Variants in HEATR3 observed in about 807,000 individuals in gnomAD.
HEATR3 encodes HEAT repeat containing 3, also known as HEAT repeat-containing protein 3.
A neutral mutation model predicts 72.8 loss-of-function variants in HEATR3; 56 were observed. The observed-to-expected ratio is 0.77, with a 90% CI of 0.62 to 0.96. The LOEUF is 0.96. Among genes scored for constraint, HEATR3 ranks in the 40% least tolerant of loss-of-function variants. HEATR3 has a pLI of 0.00. For missense variants in HEATR3, 747 were observed against 831.4 expected (o/e 0.90, Z 1.25); for synonymous variants, 331 against 318.1 (o/e 1.04, Z -0.43).
At chr16:50,067,347 C>T (rs1405861916) in intron 2 of HEATR3, among the ~76,000 whole-genome samples, 1 of 149,390 alleles carries the variant, frequency 6.7e-6, no homozygotes, top group African/African-American at 2.5e-5. Context: ...AGAACAAGAC[C>T]CTGTCTCAAA....
rs570121008 is a variant in HEATR3 at position 50,084,012 on chromosome 16, A to G, written c.1117A>G (p.Met373Val). The G allele has an allele frequency of 5.0e-6, 8 of 1,613,662 alleles. No homozygotes were observed. In the African/African-American group the frequency reaches 5.3e-5, roughly 11 times the overall value. Residue 373 changes from methionine (M) to valine (V), a missense_variant, in exon 8 of 15, where the codon ATG (methionine) becomes GTG (valine). Coordinates refer to ENST00000299192, the MANE Select transcript of HEATR3 (RefSeq NM_182922.4). The stretch of plus-strand genomic sequence containing the variant: ...GACTGCTCTGGAAATTATTGTCAAC[A>G]TGTGCTGCAATGAAGGTTTGTTAAC... The part of the protein sequence containing the change: ...QQTALEIIVN[M>V]CCNEDPSDDE...
At chr16:50,093,853 G>A (rs934443138) in intron 11 of HEATR3, among the ~76,000 whole-genome samples, 1 of 152,222 alleles carries the variant, frequency 6.6e-6, no homozygotes, top group Non-Finnish European at 1.5e-5. Flanking sequence ...AGGGCTGGAA[G>A]TCATACTGCC....
At chr16:50,091,934 C>T (rs1028254837) in intron 11 of HEATR3, among the ~76,000 whole-genome samples, 3 of 151,762 alleles carry the variant, frequency 2.0e-5, no homozygotes, top group Non-Finnish European at 4.4e-5. Context: ...TGAATCACCT[C>T]TTTGTGTGCA....
intron 7 of HEATR3, among the ~76,000 whole-genome samples, chr16:50,083,344 T>G (rs2036913253): frequency 6.6e-6 from 1 of 152,152 alleles, no homozygotes; most frequent in Non-Finnish European, 1.5e-5. Flanking sequence ...TGGCGTTATA[T>G]ATTTTCAGAG....
rs1342606496 is a variant in HEATR3 at position 50,068,819 on chromosome 16, C to G, written c.351C>G (p.Asp117Glu). ...GTGGAGGTTTTGAAGTTTGTGATGA[C>G]ATGGTGACTAAGGATATCATGACCC... The part of the protein sequence containing the change: ...SACGGFEVCD[D>E]MVTKDIMTPL... The change falls in exon 3 of 15, where the codon GAC becomes GAG. Residue 117 changes from aspartate (D) to glutamate (E), a missense_variant. Around this residue, in one of 2 missense-constraint regions of HEATR3, gnomAD observed 586 missense variants for 708.8 expected, o/e 0.83. Transcript: ENST00000299192. 1 of 1,613,940 alleles carries G rather than the reference C, an allele frequency of 6.2e-7. No individual in the cohort carries two copies. Among genetic ancestry groups the G allele is most frequent in the Non-Finnish European group, 8.5e-7 (1 of 1,179,952 alleles).
intron 12 of HEATR3, among the ~76,000 whole-genome samples, chr16:50,096,625 C>G (rs899483974): frequency 2.6e-5 from 4 of 151,954 alleles, no homozygotes; most frequent in African/African-American, 9.7e-5. Context: ...GTGGCGAAAC[C>G]CTATCTCTAC....
chr16:50,098,232 G>T (rs2150626007), intron 12 of HEATR3: 1 of 152,166 alleles, frequency 6.6e-6, no homozygotes, highest in South Asian at 2.1e-4. Context: ...TACCCAAAAA[G>T]ATACATTAGT....
At chr16:50,088,941 G>C (rs1204615622) in intron 11 of HEATR3, among the ~76,000 whole-genome samples, 1 of 152,216 alleles carries the variant, frequency 6.6e-6, no homozygotes, top group Admixed American at 6.5e-5. Context: ...AGGTACCCCC[G>C]GTCCCATCCC....
rs1457618799 is a variant in HEATR3 at position 50,086,848 on chromosome 16, G to GA, written c.1510+499dup. 1.1e-4 allele frequency among the ~76,000 whole-genome samples: 16 copies of GA among 152,158 alleles called. No individual in the cohort carries two copies. In the South Asian group the frequency reaches 3.1e-3, roughly 30 times the overall value. On this transcript the variant is annotated intron_variant, in intron 11 of 14. Coordinates refer to ENST00000299192, the MANE Select transcript of HEATR3 (RefSeq NM_182922.4). Reference sequence around the variant, plus strand: ...GGAGGCTGAGGCAGGAGAATCGCTTGAACCCAGGAGGTGGGGATTGCAGTG... The same window carrying GA: ...GGAGGCTGAGGCAGGAGAATCGCTTGAAACCCAGGAGGTGGGGATTGCAGTG...
chr16:50,082,772 AAG>A (rs1491078138), intron 7 of HEATR3, among the ~76,000 whole-genome samples: 1 of 132,136 alleles, frequency 7.6e-6, no homozygotes, highest in African/African-American at 2.6e-5. Context: ...AAAAAAAAAA[AAG>A]CAGGTAAATT....
At chr16:50,103,162 A>G (rs1197221759) in intron 14 of HEATR3, among the ~76,000 whole-genome samples, 1 of 152,206 alleles carries the variant, frequency 6.6e-6, no homozygotes, top group African/African-American at 2.4e-5. Flanking sequence ...CAAGGAAAGC[A>G]GATATATTAA....
chr16:50,083,585 A>C (rs956107296), intron 7 of HEATR3, among the ~76,000 whole-genome samples: 1 of 152,130 alleles, frequency 6.6e-6, no homozygotes. Flanking sequence ...TCTTGTTTAA[A>C]TCTTAGTATG....
chr16:50,104,962 C>T lies in HEATR3; in HGVS notation c.1944C>T (p.Asn648=). 6.2e-7 allele frequency: 1 copy of T among 1,609,846 alleles called. No individual in the cohort carries two copies. The change falls in exon 15 of 15, where the codon AAC becomes AAT. Residue 648 remains asparagine, a synonymous_variant. Transcript: ENST00000299192. ...KMKIRKEGRG[N]YSTDQLCVLD... ...AGATACGTAAAGAAGGGAGAGGTAACTATAGCACAGATCAGCTGTGTGTTC... is the reference window on the plus strand; with the variant it reads ...AGATACGTAAAGAAGGGAGAGGTAATTATAGCACAGATCAGCTGTGTGTTC...
Position 50,066,417 on chromosome 16 carries a change from C to A in HEATR3, c.189C>A (p.Ala63=). ...EVRECACAGL[A]RLVQQRPALP... ...GCGAGTGCGCCTGCGCAGGGCTGGCCCGGCTGGTGCAGCAGCGGCCGGCAC... is the reference window on the plus strand; with the variant it reads ...GCGAGTGCGCCTGCGCAGGGCTGGCACGGCTGGTGCAGCAGCGGCCGGCAC... Residue 63 remains alanine, a synonymous_variant, in exon 2 of 15, where the codon GCC becomes GCA. Transcript: ENST00000299192. 6.6e-7 allele frequency: 1 copy of A among 1,514,772 alleles called. No homozygotes were observed. The highest frequency in any genetic ancestry group is 8.7e-7 in the Non-Finnish European group (1 of 1,144,822). The allele number at this position is 1,514,772 out of a possible 1,614,324, so 93.8% of individuals were successfully genotyped here.
chr16:50,102,523 G>T (rs1378309280), intron 14 of HEATR3, 88 bp downstream of exon 14: 68 of 1,182,422 alleles, frequency 5.8e-5, no homozygotes, highest in Non-Finnish European at 8.2e-5. Flanking sequence ...CAACTCAGAA[G>T]CATGTGCATG....
At chr16:50,081,380 G>T (rs1003952186) in intron 7 of HEATR3, among the ~76,000 whole-genome samples, 5 of 152,218 alleles carry the variant, frequency 3.3e-5, no homozygotes, top group Admixed American at 1.3e-4. Context: ...GGGAGGTGGA[G>T]GTTGCAGTGA....
chr16:50,097,324 T>A (rs934033337), intron 12 of HEATR3, among the ~76,000 whole-genome samples: 2 of 138,786 alleles, frequency 1.4e-5, no homozygotes, highest in Non-Finnish European at 3.0e-5. Flanking sequence ...CTTTTTTTTT[T>A]TTTTACATTT....
At chr16:50,068,102 C>G (rs2036537653) in intron 2 of HEATR3, among the ~76,000 whole-genome samples, 1 of 152,042 alleles carries the variant, frequency 6.6e-6, no homozygotes, top group Non-Finnish European at 1.5e-5. Flanking sequence ...TGTGGAAAGC[C>G]CTTCCCTTCC....
chr16:50,083,868 A>G (rs1030949080), intron 7 of HEATR3, 69 bp from the exon 8 acceptor site: 1 of 1,425,674 alleles, frequency 7.0e-7, no homozygotes, highest in African/African-American at 1.4e-5. Context: ...GCTTTCACTA[A>G]GGAAATTCCC....
Sources: allele counts gnomAD v4.1 joint callset (sites outside exome capture counted in the v4.1 genomes callset), GRCh38; gene constraint gnomAD v4.1.1; regional missense constraint gnomAD v4.1.1; transcripts MANE v1.5; gene names NCBI Gene and HGNC (gene_info 2026-07-23, HGNC 2026-07-21).